The following WWOX variants were observed in gnomAD, a reference collection of about 807,000 sequenced individuals.
WWOX encodes WW domain-containing oxidoreductase.
WWOX carries 69 observed loss-of-function variants against 46.2 expected under a neutral mutation model. The observed-to-expected ratio is 1.49, with a 90% CI of 1.23 to 1.82. WWOX has a LOEUF of 1.82. WWOX is among the 40% of genes most tolerant of loss of function. WWOX has a pLI of 0.00. For synonymous variants in WWOX, 359 were observed against 202.6 expected (o/e 1.77, Z -6.56); for missense variants, 919 against 542.6 (o/e 1.69, Z -6.89).
At chr16:79,082,912 G>C (rs1048585120) in intron 8 of WWOX, among the ~76,000 whole-genome samples, 1 of 152,112 alleles carries the variant, frequency 6.6e-6, no homozygotes, top group East Asian at 1.9e-4. Context: ...GGAGGGGCTC[G>C]GTTTTGGGAG....
At chr16:78,228,395 G>A (rs1000742674) in intron 5 of WWOX, among the ~76,000 whole-genome samples, 2 of 139,502 alleles carry the variant, frequency 1.4e-5, no homozygotes, top group Admixed American at 1.5e-4. Context: ...AGGCTGGAAT[G>A]CAGTGGTGTG....
intron 8 of WWOX, among the ~76,000 whole-genome samples, chr16:79,046,398 C>G (rs1256963529): frequency 6.6e-6 from 1 of 152,268 alleles, no homozygotes; most frequent in East Asian, 1.9e-4. Flanking sequence ...GCTGCTGTGA[C>G]AAAAGTATCA....
At chr16:78,833,061 A>C (rs1406220161) in intron 8 of WWOX, among the ~76,000 whole-genome samples, 1 of 150,274 alleles carries the variant, frequency 6.7e-6, no homozygotes, top group Non-Finnish European at 1.5e-5. Context: ...TCCTTTCTTA[A>C]GAAAGGGTCT....
intron 8 of WWOX, among the ~76,000 whole-genome samples, chr16:78,608,758 C>G (rs1054766807): frequency 6.6e-6 from 1 of 152,194 alleles, no homozygotes; most frequent in Non-Finnish European, 1.5e-5. Context: ...CCCAGGACAA[C>G]TAAAGCCGGG....
chr16:78,422,770 C>CACATATATATATATAT (rs2082972939), intron 6 of WWOX, among the ~76,000 whole-genome samples: 1 of 115,456 alleles, frequency 8.7e-6, no homozygotes, highest in African/African-American at 5.3e-5. Context: ...CATATATATA[C>CACATATATATATATAT]ACACATATAT....
At chr16:78,970,413 C>G (rs903139297) in intron 8 of WWOX, among the ~76,000 whole-genome samples, 1 of 152,142 alleles carries the variant, frequency 6.6e-6, no homozygotes, top group African/African-American at 2.4e-5. Context: ...TTGTTGAGAG[C>G]ACAGCAGTGA....
In WWOX at chr16:78,436,753, G is replaced by A. The variant is rs995303193; in HGVS notation, c.1056+4001G>A. Among the ~76,000 whole-genome samples, 5 of 152,224 alleles carry A rather than the reference G, an allele frequency of 3.3e-5. No homozygotes were observed. The South Asian group carries it at 8.3e-4, about 25-fold the overall frequency. ...AGGAATCACTGTGAATGTAGACCTC[G>A]GGTTGGTCATTTTCCTAGTAAGATA... On this transcript the variant is annotated intron_variant, in intron 8 of 8. Transcript: ENST00000566780.
At chr16:79,111,188 T>G (rs1027111136) in intron 8 of WWOX, among the ~76,000 whole-genome samples, 2 of 152,224 alleles carry the variant, frequency 1.3e-5, no homozygotes, top group African/African-American at 4.8e-5. Flanking sequence ...TAAGTATCTC[T>G]TATTCGTGCA....
intron 8 of WWOX, chr16:78,897,981 T>A (rs2044740791): frequency 8.8e-6 from 1 of 113,346 alleles, no homozygotes; most frequent in African/African-American, 4.9e-5. Context: ...ACTGCTTGTT[T>A]ATGTATTGGC....
At position 78,911,790 on chromosome 16, in the gene WWOX, C is replaced by T. The variant is rs567781424; in HGVS notation, c.1057-299818C>T. On this transcript the variant is annotated intron_variant, in intron 8 of 8. Coordinates refer to ENST00000566780, the MANE Select transcript of WWOX (RefSeq NM_016373.4). ...CTGAGGCAGGAGAATCACTTGAACC[C>T]GGGAAGCGGAGGTTGCAGGGAGCTG... Among the ~76,000 whole-genome samples, 16 of 152,098 alleles carry T rather than the reference C, an allele frequency of 1.1e-4. No individual in the cohort carries two copies. In the East Asian group the frequency reaches 1.5e-3, roughly 15 times the overall value.
chr16:78,121,129 G>T (rs185164772), intron 4 of WWOX, among the ~76,000 whole-genome samples: 2 of 152,150 alleles, frequency 1.3e-5, no homozygotes, highest in East Asian at 3.9e-4. Context: ...CTTTCTGATT[G>T]TTGACCAGAC....
At chr16:78,289,582 C>CG (rs2079827415) in intron 5 of WWOX, among the ~76,000 whole-genome samples, 1 of 151,996 alleles carries the variant, frequency 6.6e-6, no homozygotes, top group Non-Finnish European at 1.5e-5. Context: ...TGACCAGTAA[C>CG]AGGGGAAAAA....
intron 8 of WWOX, among the ~76,000 whole-genome samples, chr16:78,915,998 T>G (rs1040418216): frequency 1.1e-4 from 17 of 152,210 alleles, no homozygotes; most frequent in Non-Finnish European, 2.2e-4. Flanking sequence ...ATTTCCCACC[T>G]ATTGTTTTGA....
intron 5 of WWOX, among the ~76,000 whole-genome samples, chr16:78,358,671 T>C (rs1006539872): frequency 2.7e-5 from 1 of 37,016 alleles, no homozygotes; most frequent in Non-Finnish European, 8.1e-5. Context: ...AAATAAATAA[T>C]ATGTGTGTGT....
In WWOX at chr16:78,399,588, C is replaced by T. The variant is rs536523969; in HGVS notation, c.605+12640C>T. On this transcript the variant is annotated intron_variant, in intron 6 of 8. Transcript: ENST00000566780. ...TTGACCTGCAGTGAGACCACCCACG[C>T]AGACATCAATGCAGCAAATCCCCGG... 6.4e-4 allele frequency among the ~76,000 whole-genome samples: 97 copies of T among 152,290 alleles called. 1 individual carries two copies. Among genetic ancestry groups the T allele is most frequent in the African/African-American group, 2.2e-3 (90 of 41,550 alleles).
intron 5 of WWOX, among the ~76,000 whole-genome samples, chr16:78,379,065 CCT>C (rs2081895329): frequency 6.6e-6 from 1 of 152,092 alleles, no homozygotes; most frequent in African/African-American, 2.4e-5. Context: ...CGTCACTCAG[CCT>C]CTGTTTTCTC....
intron 8 of WWOX, chr16:78,890,983 GC>G (rs1452772119): frequency 1.3e-5 from 2 of 152,114 alleles, no homozygotes; most frequent in African/African-American, 4.8e-5. Flanking sequence ...CATACAGTGG[GC>G]CTCATTCTGA....
At chr16:79,131,866 A>C (rs147182376) in intron 8 of WWOX, among the ~76,000 whole-genome samples, 239 of 152,318 alleles carry the variant, frequency 1.6e-3, no homozygotes, top group African/African-American at 5.7e-3. Flanking sequence ...GAAGGCAAGG[A>C]GGAGCAAGTC....
intron 8 of WWOX, among the ~76,000 whole-genome samples, chr16:78,993,688 G>A (rs981531201): frequency 2.6e-5 from 4 of 152,148 alleles, no homozygotes; most frequent in South Asian, 2.1e-4. Context: ...TGGCTGCCAC[G>A]GGGGGACAGG....
Sources: gnomAD v4.1 joint callset for allele counts (sites outside exome capture counted in the v4.1 genomes callset) on GRCh38, gnomAD v4.1.1 for gene constraint, MANE v1.5 for transcripts, NCBI Gene and HGNC (gene_info 2026-07-23, HGNC 2026-07-21) for gene names.